CTNNA3: variants seen among roughly 807,000 people sequenced by gnomAD.
CTNNA3 encodes catenin alpha 3.
A neutral mutation model predicts 95.7 loss-of-function variants in CTNNA3; 76 were observed. That is an observed-to-expected ratio of 0.79 (90% CI 0.66 to 0.96). The LOEUF (loss-of-function observed/expected upper bound fraction) is 0.96. Ranked by LOEUF, CTNNA3 falls within the 40% of genes least tolerant of loss-of-function variation. CTNNA3 has a pLI of 0.00. For synonymous variants in CTNNA3, 431 were observed against 374.4 expected (o/e 1.15, Z -1.74); for missense variants, 1,191 against 1,089.8 (o/e 1.09, Z -1.31).
rs760248318 is a variant in CTNNA3, at chr10:67,607,043, T to G, written c.106A>C (p.Thr36Pro). The G allele has an allele frequency of 1.9e-6, 3 of 1,609,130 alleles. No individual in the cohort carries two copies. The highest frequency in any genetic ancestry group is 2.5e-6 in the Non-Finnish European group (3 of 1,178,524). The change falls in exon 3 of 18, where the codon ACA becomes CCA. Residue 36 changes from threonine (T) to proline (P), a missense_variant. By Grantham distance (38) the Thr-to-Pro change is conservative. Coordinates refer to ENST00000433211, the MANE Select transcript of CTNNA3 (RefSeq NM_013266.4). ...LLEPLIIQVT[T>P]LVNCPQNPSS... ...GGGTTCTGGGGACAGTTTACAAGTG[T>G]GGTAACCTAAAATTGGAAAAATACA...
At position 66,685,521 on chromosome 10, in the gene CTNNA3, C is replaced by T. The variant is rs370108569; in HGVS notation, c.1282-63737G>A. On this transcript the variant is annotated intron_variant, in intron 9 of 17. Coordinates refer to ENST00000433211, the MANE Select transcript of CTNNA3 (RefSeq NM_013266.4). ...CCAAGTAGCTGGGACTACAGGCACCCGCCACCACGCCCGGCTAACTTTTTG... is the reference window on the plus strand; with the variant it reads ...CCAAGTAGCTGGGACTACAGGCACCTGCCACCACGCCCGGCTAACTTTTTG... Among the ~76,000 whole-genome samples, 1,086 of 148,722 alleles carry T rather than the reference C, an allele frequency of 7.3e-3. 12 individuals are homozygous for T. The highest frequency in any genetic ancestry group is 0.028 in the Middle Eastern group (8 of 288).
intron 13 of CTNNA3, among the ~76,000 whole-genome samples, chr10:66,171,423 G>A (rs543336401): frequency 7.3e-5 from 11 of 150,860 alleles, no homozygotes; most frequent in South Asian, 4.2e-4. Flanking sequence ...GTGGGCACCC[G>A]TAACCCCAGC....
chr10:67,021,929 A>G (rs1192790214), intron 7 of CTNNA3, among the ~76,000 whole-genome samples: 1 of 152,214 alleles, frequency 6.6e-6, no homozygotes, highest in African/African-American at 2.4e-5. Flanking sequence ...AGCCTGGTAG[A>G]ATAGTCAGAG....
chr10:66,977,827 T>C (rs952190267), intron 7 of CTNNA3, among the ~76,000 whole-genome samples: 3 of 152,228 alleles, frequency 2.0e-5, no homozygotes, highest in African/African-American at 4.8e-5. Flanking sequence ...AGATATGTCA[T>C]GCTTTATAGC....
chr10:66,866,685 T>C (rs943374226), intron 7 of CTNNA3, among the ~76,000 whole-genome samples: 4 of 152,206 alleles, frequency 2.6e-5, no homozygotes, highest in Non-Finnish European at 4.4e-5. Context: ...CGAGGTATTA[T>C]AAATTTTCTG....
At chr10:67,435,439 C>T (rs1846270799) in intron 5 of CTNNA3, among the ~76,000 whole-genome samples, 1 of 152,040 alleles carries the variant, frequency 6.6e-6, no homozygotes, top group Non-Finnish European at 1.5e-5. Context: ...ACTCTCACTG[C>T]TCCTCTTCAA....
At chr10:66,860,537 C>A (rs1456545853) in intron 7 of CTNNA3, among the ~76,000 whole-genome samples, 1 of 152,110 alleles carries the variant, frequency 6.6e-6, no homozygotes, top group Admixed American at 6.6e-5. Flanking sequence ...TAGCAGCAGT[C>A]TCCCTCATGG....
At position 66,401,518 on chromosome 10, in the gene CTNNA3, A is replaced by AACACACACACACACAC. The variant is rs140986771; in HGVS notation, c.1532-22182_1532-22167dup. 2.9e-3 allele frequency among the ~76,000 whole-genome samples: 411 copies of AACACACACACACACAC among 143,986 alleles called. 1 individual carries two copies. Among genetic ancestry groups the AACACACACACACACAC allele is most frequent in the Admixed American group, 7.2e-3 (102 of 14,164 alleles). The allele number at this position is 143,986 out of a possible 152,430, so 94.5% of individuals were successfully genotyped here. A position where few individuals can be genotyped will look rare whatever the true frequency, so the allele number is the denominator to read the frequency against. On this transcript the variant is annotated intron_variant, in intron 11 of 17. Transcript: ENST00000433211. ...GTGACAGAGCTAGACTGTGTCTCAAAACACACACACACACACACACACACA... is the reference window on the plus strand; with the variant it reads ...GTGACAGAGCTAGACTGTGTCTCAAAACACACACACACACACACACACACACACACACACACACACA...
chr10:66,572,036 C>T (rs78565479), intron 10 of CTNNA3, among the ~76,000 whole-genome samples: 1,546 of 150,986 alleles, frequency 0.01, 28 homozygotes, highest in African/African-American at 0.035. Flanking sequence ...CCAAAACTTA[C>T]GGACATCTTT....
At chr10:67,498,028 G>T (rs556958507) in intron 5 of CTNNA3, among the ~76,000 whole-genome samples, 1 of 152,278 alleles carries the variant, frequency 6.6e-6, no homozygotes, top group South Asian at 2.1e-4. Flanking sequence ...GTCCTGAATG[G>T]TATTGCCTAG....
At chr10:67,336,439 G>A (rs1050313094) in intron 5 of CTNNA3, among the ~76,000 whole-genome samples, 1 of 152,184 alleles carries the variant, frequency 6.6e-6, no homozygotes, top group African/African-American at 2.4e-5. Context: ...AAGATTTAGG[G>A]AAAGAAGTTT....
intron 12 of CTNNA3, among the ~76,000 whole-genome samples, chr10:66,300,568 T>C (rs1436354822): frequency 6.6e-6 from 1 of 151,718 alleles, no homozygotes; most frequent in Non-Finnish European, 1.5e-5. Context: ...TTCCTGATAC[T>C]AGATGATGAG....
chr10:66,525,023 T>C (rs1841203109), intron 10 of CTNNA3, among the ~76,000 whole-genome samples: 1 of 151,730 alleles, frequency 6.6e-6, no homozygotes, highest in Admixed American at 6.6e-5. Context: ...TACTCCAGCC[T>C]GGGCAATAAG....
intron 5 of CTNNA3, among the ~76,000 whole-genome samples, chr10:67,230,223 A>T (rs1377581252): frequency 6.6e-6 from 1 of 152,224 alleles, no homozygotes. Context: ...AAGTGAGGAA[A>T]GGACACCCTT....
chr10:67,651,230 C>A (rs1252928159), intron 1 of CTNNA3, among the ~76,000 whole-genome samples: 2 of 152,090 alleles, frequency 1.3e-5, no homozygotes, highest in Non-Finnish European at 2.9e-5. Flanking sequence ...ATCATACTTA[C>A]CTAATTAGTC....
intron 12 of CTNNA3, among the ~76,000 whole-genome samples, chr10:66,302,367 T>C (rs999058490): frequency 1.3e-5 from 2 of 152,066 alleles, no homozygotes; most frequent in African/African-American, 4.8e-5. Context: ...GAATACTTGA[T>C]ACAATATTGA....
rs564438624 is a variant in CTNNA3 at position 66,095,100 on chromosome 10, T to C, written c.1977+8057A>G. Among the ~76,000 whole-genome samples, 35 of 152,274 alleles carry C rather than the reference T, an allele frequency of 2.3e-4. No homozygotes were observed. In the South Asian group the frequency reaches 4.8e-3, roughly 21 times the overall value. ...GAGGAAATTTGTAGGCCTCCCAATA[T>C]ATGTAGTCAGAGCTGAAAAGACAGG... On this transcript the variant is annotated intron_variant, in intron 14 of 17. Coordinates refer to ENST00000433211, the MANE Select transcript of CTNNA3 (RefSeq NM_013266.4).
chr10:66,346,246 T>TAGAGAGAG (rs371257440), intron 12 of CTNNA3, among the ~76,000 whole-genome samples: 19 of 27,744 alleles, frequency 6.8e-4, no homozygotes, highest in Middle Eastern at 0.018. Flanking sequence ...TATATATATA[T>TAGAGAGAG]AGAGAGAGAG....
intron 9 of CTNNA3, among the ~76,000 whole-genome samples, chr10:66,629,964 C>A (rs1403364269): frequency 2.0e-5 from 3 of 152,136 alleles, no homozygotes; most frequent in African/African-American, 7.2e-5. Flanking sequence ...TTCTGCCCAC[C>A]TAAGTCAGAT....
Sources: gnomAD v4.1 joint callset for allele counts (sites outside exome capture counted in the v4.1 genomes callset) on GRCh38, gnomAD v4.1.1 for gene constraint, MANE v1.5 for transcripts, NCBI Gene and HGNC (gene_info 2026-07-23, HGNC 2026-07-21) for gene names.